The following POLE variants were observed in gnomAD, a reference collection of about 807,000 sequenced individuals.
POLE encodes DNA polymerase epsilon catalytic subunit A.
Under a neutral mutation model 279.2 loss-of-function variants are expected in POLE, and 188 were observed. The ratio of observed to expected loss-of-function variants is 0.67; its 90% CI spans 0.60 to 0.76. The LOEUF is 0.76. Among genes scored for constraint, POLE ranks in the 30% least tolerant of loss-of-function variants. The pLI, the probability that POLE is intolerant of heterozygous loss-of-function variation, is 0.00. For synonymous variants in POLE, 1,214 were observed against 1,172.5 expected (o/e 1.04, Z -0.72); for missense variants, 2,703 against 3,016.7 (o/e 0.90, Z 2.44).
chr12:132,662,334 G>C (rs1377499338), intron 23 of POLE, among the ~76,000 whole-genome samples: 3 of 152,200 alleles, frequency 2.0e-5, no homozygotes, highest in African/African-American at 7.2e-5. Flanking sequence ...TATTTCTCAT[G>C]GGACACAAGT....
Position 132,675,299 on chromosome 12 carries a change from C to T in POLE, c.1226+99G>A, listed in dbSNP as rs2043019491. Reference sequence around the variant, plus strand: ...CCTGAAACGGCCTCTCGGAGGCCACCCTCCTCCCATGAGATGTGGTGACAG... The same window carrying T: ...CCTGAAACGGCCTCTCGGAGGCCACTCTCCTCCCATGAGATGTGGTGACAG... On this transcript the variant is annotated intron_variant, in intron 12 of 48. Coordinates refer to ENST00000320574, the MANE Select transcript of POLE (RefSeq NM_006231.4). This position sits in a 1 kb window ranked among gnomAD's most constrained non-coding sequence, Gnocchi z 4.3. 6.8e-7 allele frequency: 1 copy of T among 1,477,352 alleles called. No individual in the cohort carries two copies. The highest frequency in any genetic ancestry group is 1.4e-5 in the African/African-American group (1 of 71,502). 91.5% of individuals were successfully genotyped at this position (1,477,352 alleles called of 1,614,324 possible). A position where few individuals can be genotyped will look rare whatever the true frequency, so the allele number is the denominator to read the frequency against.
rs773549105 is a variant in POLE, at chr12:132,643,634, G to A, written c.4291-74C>T. On this transcript the variant is annotated intron_variant, in intron 33 of 48. Transcript: ENST00000320574. ...CTGGCTGCCCACGTGACTTCTGCCC[G>A]GGATGTGGCTGTGCCCCTGCAGCTG... 2.8e-5 allele frequency: 45 copies of A among 1,593,430 alleles called. No homozygotes were observed. The East Asian group carries it at 3.1e-4, about 11-fold the overall frequency.
rs2136026895 is a variant in POLE at position 132,679,482 on chromosome 12, A to G, written c.578+15T>C. The G allele has an allele frequency of 6.3e-7, 1 of 1,593,908 alleles. No individual in the cohort carries two copies. Among genetic ancestry groups the G allele is most frequent in the Non-Finnish European group, 8.6e-7 (1 of 1,163,524 alleles). Reference sequence around the variant, plus strand: ...TCTGAACCGCTGATGCTTTGCTCACAAGACCAAAGTTTACCTGGAAAGCAG... The same window carrying G: ...TCTGAACCGCTGATGCTTTGCTCACGAGACCAAAGTTTACCTGGAAAGCAG... On this transcript the variant is annotated intron_variant, in intron 6 of 48. Transcript: ENST00000320574.
Position 132,687,337 on chromosome 12 carries a change from T to C in POLE, c.-22A>G. 2.0e-6 allele frequency: 3 copies of C among 1,489,146 alleles called. No homozygotes were observed. The highest frequency in any genetic ancestry group is 2.7e-6 in the Non-Finnish European group (3 of 1,117,120). 92.2% of individuals were successfully genotyped at this position (1,489,146 alleles called of 1,614,324 possible). A position where few individuals can be genotyped will look rare whatever the true frequency, so the allele number is the denominator to read the frequency against. On this transcript the variant is annotated 5_prime_UTR_variant, in exon 1 of 49. Transcript: ENST00000320574. Reference sequence around the variant, plus strand: ...ACATGGAGCCGTTGGCTACCACCTCTGCTTCAGGGGAGAAATTTGGCGCGC... The same window carrying C: ...ACATGGAGCCGTTGGCTACCACCTCCGCTTCAGGGGAGAAATTTGGCGCGC...
At chr12:132,676,065 G>T in intron 10 of POLE, 29 bp downstream of exon 10, 1 of 1,399,392 alleles carries the variant, frequency 7.1e-7, no homozygotes, top group Non-Finnish European at 1.0e-6. Flanking sequence ...CCACAATACC[G>T]GGTAGTTTCC....
intron 32 of POLE, among the ~76,000 whole-genome samples, chr12:132,647,870 C>T (rs534555965): frequency 4.6e-5 from 7 of 152,204 alleles, no homozygotes; most frequent in Admixed American, 2.6e-4. Flanking sequence ...TCCCAAAGTG[C>T]GGGGATTACA....
At chr12:132,642,116 T>C in intron 38 of POLE, 61 bp downstream of exon 38, 1 of 1,351,736 alleles carries the variant, frequency 7.4e-7, no homozygotes. Context: ...CTTGAGAAGA[T>C]GTCACAGAAT....
intron 20 of POLE, among the ~76,000 whole-genome samples, chr12:132,665,980 T>C (rs1047063009): frequency 1.3e-5 from 2 of 152,240 alleles, no homozygotes; most frequent in African/African-American, 4.8e-5. Context: ...ACAAGTAATT[T>C]AGCAGTTGCT....
chr12:132,632,498 G>T lies in POLE; in HGVS notation c.6147C>A (p.Thr2049=). 8 of 1,614,026 alleles carry T rather than the reference G, an allele frequency of 5.0e-6. No homozygotes were observed. The highest frequency in any genetic ancestry group is 6.8e-6 in the Non-Finnish European group (8 of 1,179,862). The change falls in exon 45 of 49, where the codon ACC becomes ACA. Residue 2049 remains threonine, a synonymous_variant. Coordinates refer to ENST00000320574, the MANE Select transcript of POLE (RefSeq NM_006231.4). The part of the protein sequence containing the change: ...GAVGALPGMI[T]FSQDYVANEL... ...CATTTGCGACATAATCCTGAGAGAA[G>T]GTGATCATTCCTGGAAGTATAAGGA...
intron 1 of POLE, among the ~76,000 whole-genome samples, chr12:132,682,242 C>T (rs947047270): frequency 6.6e-6 from 1 of 150,384 alleles, no homozygotes; most frequent in African/African-American, 2.5e-5. Context: ...TGCAGTGAGC[C>T]GAGAACGCGC....
chr12:132,650,095 G>C (rs1051918100), intron 29 of POLE, among the ~76,000 whole-genome samples: 1 of 152,128 alleles, frequency 6.6e-6, no homozygotes, highest in Non-Finnish European at 1.5e-5. Context: ...GTAGTCCCAA[G>C]CTACTTGGTA....
At chr12:132,685,415 C>T (rs11147005) in intron 1 of POLE, among the ~76,000 whole-genome samples, 98,009 of 152,172 alleles carry the variant, frequency 0.64, 32,156 homozygotes, top group Non-Finnish European at 0.7. Flanking sequence ...ACAACCCCTA[C>T]GAGGGAGGCC....
intron 31 of POLE, 55 bp downstream of exon 31, chr12:132,649,251 C>T (rs2042359628): frequency 6.4e-7 from 1 of 1,573,646 alleles, no homozygotes; most frequent in Non-Finnish European, 8.7e-7. Flanking sequence ...GCTGGACACC[C>T]CCTCCCTGGG....
At position 132,661,734 on chromosome 12, in the gene POLE, C is replaced by A. The variant is rs913140042; in HGVS notation, c.2707-50G>T. 6.3e-7 allele frequency: 1 copy of A among 1,590,924 alleles called. No individual in the cohort carries two copies. The highest frequency in any genetic ancestry group is 1.3e-5 in the African/African-American group (1 of 74,354). On this transcript the variant is annotated intron_variant, in intron 23 of 48. Transcript: ENST00000320574. This position sits in a 1 kb window ranked among gnomAD's most constrained non-coding sequence, Gnocchi z 4.1. ...GCAGCTTCACTCATGATGGCCCAAA[C>A]CTGGAAACCACCTGGTGTCCCTCCA...
At position 132,680,398 on chromosome 12, in the gene POLE, GAC is replaced by G. The variant is rs948702102; in HGVS notation, c.286-178_286-177del. ...TTTTCACAGGGGCAAGAATCTGAAA[GAC>G]ACGCTACTTCTCACCATTCAGAGTC... On this transcript the variant is annotated intron_variant, in intron 3 of 48. Transcript: ENST00000320574. 13 of 678,602 alleles carry G rather than the reference GAC, an allele frequency of 1.9e-5. No homozygotes were observed. The African/African-American group carries it at 2.1e-4, about 11-fold the overall frequency. 42.0% of individuals were successfully genotyped at this position (678,602 alleles called of 1,614,324 possible). A position where few individuals can be genotyped will look rare whatever the true frequency, so the allele number is the denominator to read the frequency against.
Position 132,643,470 on chromosome 12 carries a change from C to A in POLE, c.4381G>T (p.Glu1461Ter), listed in dbSNP as rs1192240136. The change falls in exon 34 of 49, where the codon GAG becomes TAG. Residue 1461 changes from glutamate to a stop codon, truncating the protein, a stop_gained. Transcript: ENST00000320574. LOFTEE classifies it high-confidence loss of function. ...TCCAGGTGCTCAAGAGCAAAGGTCT[C>A]TGCTTCCCAGCCTGAAAGGTGCCTC... ...LVRHLSGWEAETFALEHLEMR... is the reference protein window; with the variant it reads ...LVRHLSGWEA The A allele has an allele frequency of 6.2e-7, 1 of 1,614,108 alleles. No individual in the cohort carries two copies. The highest frequency in any genetic ancestry group is 8.5e-7 in the Non-Finnish European group (1 of 1,180,054).
chr12:132,654,318 C>T (rs934009331), intron 29 of POLE, among the ~76,000 whole-genome samples: 1 of 152,098 alleles, frequency 6.6e-6, no homozygotes, highest in Admixed American at 6.6e-5. Context: ...AGCTATCCTC[C>T]CGCCTCTGCC....
rs1341390450 is a variant in POLE at position 132,648,804 on chromosome 12, T to C, written c.4149+125A>G. On this transcript the variant is annotated intron_variant, in intron 32 of 48. Transcript: ENST00000320574. ...TGCTCAGCGCTCACACACGTTGTTT[T>C]GAGGAATTCCTAGAACATCCCCATA... 3 of 1,068,400 alleles carry C rather than the reference T, an allele frequency of 2.8e-6. 1 individual carries two copies. The highest frequency in any genetic ancestry group is 4.0e-6 in the Non-Finnish European group (3 of 743,182). The allele number at this position is 1,068,400 out of a possible 1,614,324, so 66.2% of individuals were successfully genotyped here.
At chr12:132,670,332 T>C (rs2042895885) in intron 16 of POLE, among the ~76,000 whole-genome samples, 1 of 150,448 alleles carries the variant, frequency 6.6e-6, no homozygotes, top group Admixed American at 6.6e-5. Context: ...GCCGAGATCA[T>C]GCCATTGCAC....
Sources: allele counts gnomAD v4.1 joint callset (sites outside exome capture counted in the v4.1 genomes callset), GRCh38; gene constraint gnomAD v4.1.1; non-coding constraint Gnocchi (gnomAD v3.1); transcripts MANE v1.5; gene names NCBI Gene and HGNC (gene_info 2026-07-23, HGNC 2026-07-21).